Variants in CNGB1 observed in about 807,000 individuals in gnomAD.
CNGB1 encodes cyclic nucleotide-gated channel beta-1.
CNGB1 carries 126 observed loss-of-function variants against 151.7 expected under a neutral mutation model. That is an observed-to-expected ratio of 0.83 (90% confidence interval 0.72 to 0.96). The LOEUF (loss-of-function observed/expected upper bound fraction) is 0.96. Ranked by LOEUF, CNGB1 falls within the 40% of genes least tolerant of loss-of-function variation. CNGB1 has a pLI of 0.00. For missense variants in CNGB1, 1,698 were observed against 1,627.0 expected (o/e 1.04, Z -0.75); for synonymous variants, 623 against 635.1 (o/e 0.98, Z 0.29).
At chr16:57,914,630 T>C (rs1960812548) in intron 23 of CNGB1, among the ~76,000 whole-genome samples, 1 of 152,222 alleles carries the variant, frequency 6.6e-6, no homozygotes. Flanking sequence ...CTATCCACCC[T>C]GATCACGTGA....
In CNGB1 at chr16:57,923,253, A is replaced by G; in HGVS notation, c.1643+20T>C. On this transcript the variant is annotated intron_variant, in intron 18 of 32. Coordinates refer to ENST00000251102, the MANE Select transcript of CNGB1 (RefSeq NM_001297.5). ...CTCCCCGCAGTCTTTCAATTTTCTG[A>G]GACCCCAGAGGGGTCTCACTCAGTG... The G allele has an allele frequency of 2.1e-6, 3 of 1,431,326 alleles. No homozygotes were observed. The highest frequency in any genetic ancestry group is 2.9e-6 in the Non-Finnish European group (3 of 1,036,680). The allele number at this position is 1,431,326 out of a possible 1,614,324, so 88.7% of individuals were successfully genotyped here. A position where few individuals can be genotyped will look rare whatever the true frequency, so the allele number is the denominator to read the frequency against.
At chr16:57,938,879 G>C (rs1315570803) in intron 16 of CNGB1, among the ~76,000 whole-genome samples, 2 of 152,186 alleles carry the variant, frequency 1.3e-5, no homozygotes, top group African/African-American at 4.8e-5. Flanking sequence ...TGAGGGCAGG[G>C]TGGTAAATCA....
intron 31 of CNGB1, 100 bp from the exon 32 acceptor site, chr16:57,888,174 G>A (rs1959987631): frequency 7.7e-7 from 1 of 1,298,256 alleles, no homozygotes; most frequent in African/African-American, 1.5e-5. Context: ...TGTAGTGGTG[G>A]TGATTTTGGC....
intron 31 of CNGB1, among the ~76,000 whole-genome samples, chr16:57,893,545 C>A (rs1960149775): frequency 6.6e-6 from 1 of 152,082 alleles, no homozygotes; most frequent in South Asian, 2.1e-4. Flanking sequence ...CACCTGTAAT[C>A]CCAGCACTTT....
At chr16:57,961,916 G>T (rs957640048) in intron 7 of CNGB1, among the ~76,000 whole-genome samples, 4 of 152,210 alleles carry the variant, frequency 2.6e-5, no homozygotes, top group Admixed American at 2.6e-4. Flanking sequence ...CAAACTGGGA[G>T]CTTCAAGCTT....
chr16:57,909,606 C>T (rs1021918914), intron 25 of CNGB1, among the ~76,000 whole-genome samples: 9 of 152,174 alleles, frequency 5.9e-5, no homozygotes, highest in Non-Finnish European at 7.3e-5. Flanking sequence ...CTAGGCTGGT[C>T]TCAAACTCTT....
At chr16:57,954,834 A>C in intron 12 of CNGB1, 1 of 992,944 alleles carries the variant, frequency 1.0e-6, no homozygotes. Flanking sequence ...GCCAGGTACC[A>C]CACTGGGGGC....
intron 26 of CNGB1, 51 bp downstream of exon 26, chr16:57,904,683 A>AG (rs749407409): frequency 5.0e-6 from 8 of 1,611,990 alleles, no homozygotes; most frequent in Middle Eastern, 1.8e-4. Flanking sequence ...CAACAGTGGG[A>AG]GGGGGCCCTG....
intron 24 of CNGB1, among the ~76,000 whole-genome samples, chr16:57,912,375 G>A (rs1303986587): frequency 2.0e-5 from 3 of 152,178 alleles, no homozygotes; most frequent in Non-Finnish European, 2.9e-5. Context: ...ATGCTGGTAA[G>A]CCCCTCGTGC....
At chr16:57,892,408 A>T (rs1193602543) in intron 31 of CNGB1, among the ~76,000 whole-genome samples, 5 of 152,106 alleles carry the variant, frequency 3.3e-5, no homozygotes, top group African/African-American at 1.2e-4. Flanking sequence ...ATTTTCTGGG[A>T]GAAATTCAGA....
chr16:57,887,674 G>A (rs142157987), intron 32 of CNGB1, among the ~76,000 whole-genome samples, 181 bp downstream of exon 32: 10 of 152,240 alleles, frequency 6.6e-5, no homozygotes, highest in African/African-American at 9.6e-5. Context: ...CCTAATTCCC[G>A]TTTTTCTCAA....
Position 57,884,411 on chromosome 16 carries a change from G to T in CNGB1, c.3509C>A (p.Pro1170Gln). 4.3e-6 allele frequency: 7 copies of T among 1,613,580 alleles called. No homozygotes were observed. The highest frequency in any genetic ancestry group is 5.9e-6 in the Non-Finnish European group (7 of 1,179,908). Residue 1170 changes from proline (P) to glutamine (Q), a missense_variant, in exon 33 of 33, where the codon CCA (proline) becomes CAA (glutamine). Pro to Gln is a moderately conservative substitution (Grantham distance 76). Transcript: ENST00000251102. ...CTCCTTTGGGTGCGTGTGCTGGTCT[G>T]GGGCGGCGGAGCCTTCCTCTCCCTT... ...DVKGEEGSAA[P>Q]DQHTHPKEAA... is the part of the protein sequence containing the mutation.
rs1471521549 is a variant in CNGB1 at position 57,884,093 on chromosome 16, G to T, written c.*71C>A. ...AGCCGTGGGGGAAGGTGGGGCGCTG[G>T]GGCGCAGGGGCGCAGCGGGCGCTGG... is the stretch of plus-strand genomic sequence containing the variant. On this transcript the variant is annotated 3_prime_UTR_variant, in exon 33 of 33. Coordinates refer to ENST00000251102, the MANE Select transcript of CNGB1 (RefSeq NM_001297.5). The T allele has an allele frequency of 6.2e-7, 1 of 1,603,690 alleles. No individual in the cohort carries two copies. Among genetic ancestry groups the T allele is most frequent in the African/African-American group, 1.3e-5 (1 of 74,842 alleles).
intron 14 of CNGB1, among the ~76,000 whole-genome samples, chr16:57,945,896 T>C (rs1961794660): frequency 1.3e-5 from 2 of 152,214 alleles, no homozygotes; most frequent in Admixed American, 1.3e-4. Context: ...GGTTATGAAA[T>C]CACCCACGTG....
chr16:57,967,452 G>A (rs1962429079), intron 1 of CNGB1, 158 bp from the exon 2 acceptor site: 1 of 706,434 alleles, frequency 1.4e-6, no homozygotes, highest in African/African-American at 1.8e-5. Context: ...CCAGCAATTT[G>A]GGAGGCTGAG....
chr16:57,928,945 A>G (rs1415743196), intron 17 of CNGB1, among the ~76,000 whole-genome samples: 1 of 152,162 alleles, frequency 6.6e-6, no homozygotes, highest in Admixed American at 6.6e-5. Flanking sequence ...AGCCCACATT[A>G]TATTGTCTAA....
chr16:57,965,411 G>A (rs1962369306), intron 2 of CNGB1, among the ~76,000 whole-genome samples: 1 of 152,170 alleles, frequency 6.6e-6, no homozygotes, highest in African/African-American at 2.4e-5. Flanking sequence ...GCGTATAACT[G>A]CCTGTGTACA....
intron 25 of CNGB1, among the ~76,000 whole-genome samples, chr16:57,911,182 G>C (rs1177197910): frequency 1.3e-5 from 2 of 152,192 alleles, no homozygotes; most frequent in African/African-American, 2.4e-5. Flanking sequence ...ATAGAGTTTG[G>C]ATGCAGAAAG....
intron 18 of CNGB1, 122 bp downstream of exon 18, chr16:57,923,151 C>A (rs760183530): frequency 1.4e-6 from 1 of 691,234 alleles, no homozygotes; most frequent in African/African-American, 1.8e-5. Context: ...ACTTACTGCT[C>A]GGAAGCCACT....
Sources: gnomAD v4.1 joint callset for allele counts (sites outside exome capture counted in the v4.1 genomes callset) on GRCh38, gnomAD v4.1.1 for gene constraint, MANE v1.5 for transcripts, NCBI Gene and HGNC (gene_info 2026-07-23, HGNC 2026-07-21) for gene names.